PALM: variants seen among roughly 807,000 people sequenced by gnomAD.
PALM encodes paralemmin.
PALM carries 18 observed loss-of-function variants against 30.7 expected under a neutral mutation model. The ratio of observed to expected loss-of-function variants is 0.59; its 90% CI spans 0.41 to 0.87. The LOEUF is 0.87. Ranked by LOEUF, PALM falls within the 40% of genes least tolerant of loss-of-function variation. The pLI, the probability that PALM is intolerant of heterozygous loss-of-function variation, is 0.00. For missense variants in PALM, 529 were observed against 555.4 expected, an observed-to-expected ratio of 0.95 and a Z score of 0.48; for synonymous variants, 286 against 242.8, an observed-to-expected ratio of 1.18 and a Z score of -1.66.
intron 1 of PALM, chr19:719,296 G>T (rs963270384): frequency 3.9e-5 from 38 of 985,250 alleles, no homozygotes; most frequent in Non-Finnish European, 4.6e-5. Context: ...CCAACGCCCC[G>T]CACCGCGGAG....
chr19:740,491 C>T lies in PALM; in HGVS notation c.634+8C>T. On this transcript the variant is annotated splice_region_variant and intron_variant, in intron 8 of 8. Transcript: ENST00000338448. ...ACGAGGACGAGACCAAAGGTACGAG[C>T]ACCCCGGCCCCTGCCCTCCCTCCAC... 1 of 1,547,724 alleles carries T rather than the reference C, an allele frequency of 6.5e-7. No individual in the cohort carries two copies. The highest frequency in any genetic ancestry group is 2.4e-5 in the East Asian group (1 of 40,882).
chr19:721,273 A>T (rs920437862), intron 1 of PALM, among the ~76,000 whole-genome samples: 2 of 151,960 alleles, frequency 1.3e-5, no homozygotes, highest in African/African-American at 4.8e-5. Flanking sequence ...TATTATTATT[A>T]TTGTTATTTT....
intron 5 of PALM, 66 bp downstream of exon 5, chr19:731,311 C>T (rs2032868507): frequency 7.2e-7 from 1 of 1,396,310 alleles, no homozygotes; most frequent in Non-Finnish European, 9.7e-7. Context: ...GAGCGAGGCC[C>T]CAGCCCTTCC....
At chr19:724,192 C>G (rs2032586089) in intron 1 of PALM, among the ~76,000 whole-genome samples, 1 of 152,024 alleles carries the variant, frequency 6.6e-6, no homozygotes, top group Non-Finnish European at 1.5e-5. Flanking sequence ...TGGTGGGTGC[C>G]TGGTGGGGGT....
chr19:711,421 C>CAGAT (rs1165438898), intron 1 of PALM, among the ~76,000 whole-genome samples: 1 of 152,176 alleles, frequency 6.6e-6, no homozygotes, highest in Non-Finnish European at 1.5e-5. Flanking sequence ...TGGGCCTGGA[C>CAGAT]AGATGGTCAA....
chr19:725,869 A>T (rs944232376), intron 1 of PALM, among the ~76,000 whole-genome samples: 1 of 151,956 alleles, frequency 6.6e-6, no homozygotes, highest in African/African-American at 2.4e-5. Flanking sequence ...GTGAACTCCT[A>T]TGTATCCTTG....
intron 7 of PALM, 91 bp downstream of exon 7, chr19:736,169 C>G: frequency 1.2e-6 from 1 of 848,296 alleles, no homozygotes; most frequent in South Asian, 1.5e-5. Flanking sequence ...GGGGGCGACA[C>G]CGACCTGCTC....
At chr19:715,250 A>G (rs933501051) in intron 1 of PALM, among the ~76,000 whole-genome samples, 3 of 152,110 alleles carry the variant, frequency 2.0e-5, no homozygotes, top group African/African-American at 7.2e-5. Flanking sequence ...CCTGGGTGAC[A>G]GACAGAGCGA....
rs1161460736 is a variant in PALM at position 746,984 on chromosome 19, A to G, written c.*170A>G. On this transcript the variant is annotated 3_prime_UTR_variant, in exon 9 of 9. Transcript: ENST00000338448. The surrounding 1 kb of genome is among the most constrained non-coding windows in gnomAD (Gnocchi z 7.1). Reference sequence around the variant, plus strand: ...GCTGGAAAGAGGGACAGGGGCCCCCACCCGTCACCACGCCCCAACACTCCC... The same window carrying G: ...GCTGGAAAGAGGGACAGGGGCCCCCGCCCGTCACCACGCCCCAACACTCCC... The G allele has an allele frequency of 1.7e-6, 1 of 595,848 alleles. No individual in the cohort carries two copies. Among genetic ancestry groups the G allele is most frequent in the Non-Finnish European group, 3.0e-6 (1 of 335,792 alleles). 36.9% of individuals were successfully genotyped at this position (595,848 alleles called of 1,614,324 possible).
In PALM at chr19:727,619, A is replaced by C. The variant is rs1484858498; in HGVS notation, c.194A>C (p.Glu65Ala). The C allele has an allele frequency of 3.2e-6, 5 of 1,577,272 alleles. No homozygotes were observed. Among genetic ancestry groups the C allele is most frequent in the Non-Finnish European group, 4.3e-6 (5 of 1,161,904 alleles). The change falls in exon 4 of 9, where the codon GAG (glutamate) becomes GCG (alanine). Residue 65 changes from glutamate (E) to alanine (A), a missense_variant. Glu to Ala is a moderately radical substitution (Grantham distance 107). Coordinates refer to ENST00000338448, the MANE Select transcript of PALM (RefSeq NM_002579.3). ...GAGGGGACGCCGTCCTCGGCCTCAGAGGGGGATGAGGACCTGAGGAGGCAG... is the reference window on the plus strand; with the variant it reads ...GAGGGGACGCCGTCCTCGGCCTCAGCGGGGGATGAGGACCTGAGGAGGCAG... Reference protein sequence around the residue: ...LLEGTPSSASEGDEDLRRQMQ... With the variant: ...LLEGTPSSASAGDEDLRRQMQ...
intron 1 of PALM, among the ~76,000 whole-genome samples, chr19:713,994 T>A (rs2032171386): frequency 6.6e-6 from 1 of 151,138 alleles, no homozygotes; most frequent in Non-Finnish European, 1.5e-5. Context: ...AACCTCTGCC[T>A]CCTGGGTTCA....
At position 746,317 on chromosome 19, in the gene PALM, G is replaced by A. The variant is rs148346970; in HGVS notation, c.667G>A (p.Gly223Arg). Residue 223 changes from glycine to arginine, a missense_variant, in exon 9 of 9, where the codon GGG (glycine) becomes AGG (arginine). Gly to Arg is a moderately radical substitution (Grantham distance 125). Transcript: ENST00000338448. The surrounding 1 kb of genome is among the most constrained non-coding windows in gnomAD (Gnocchi z 7.1). ...VHAVDGTAEN[G>R]IHPLSSSEVD... ...TGCTGTGGACGGCACCGCCGAGAAC[G>A]GGATCCACCCCCTGAGCTCCTCCGA... 2.3e-4 allele frequency: 376 copies of A among 1,613,386 alleles called. No homozygotes were observed. The highest frequency in any genetic ancestry group is 2.9e-4 in the Non-Finnish European group (341 of 1,179,638).
In PALM at chr19:709,425, G is replaced by A. The variant is rs181591178; in HGVS notation, c.5+274G>A. On this transcript the variant is annotated intron_variant, in intron 1 of 8. Coordinates refer to ENST00000338448, the MANE Select transcript of PALM (RefSeq NM_002579.3). This position sits in a 1 kb window ranked among gnomAD's most constrained non-coding sequence, Gnocchi z 4.3. ...CGGCTCGGGCCAGTCCAGGACGCGG[G>A]GAGGGGGAGGCTCGCGTCTCCGCCC... is the stretch of plus-strand genomic sequence containing the variant. Among the ~76,000 whole-genome samples the A allele has an allele frequency of 0.028, 4,219 of 151,754 alleles. 142 individuals carry two copies. Among genetic ancestry groups the A allele is most frequent in the African/African-American group, 0.079 (3,273 of 41,448 alleles).
chr19:742,261 G>A lies in PALM; in HGVS notation c.634+1778G>A, dbSNP rs757427911. ...TCCCCTCCCCAGCTCTGGCACCCAC[G>A]CATCCCCTCCTGTCTCTCTGGATTG... is the stretch of plus-strand genomic sequence containing the variant. On this transcript the variant is annotated intron_variant, in intron 8 of 8. Coordinates refer to ENST00000338448, the MANE Select transcript of PALM (RefSeq NM_002579.3). The surrounding 1 kb of genome is among the most constrained non-coding windows in gnomAD (Gnocchi z 5.5). Among the ~76,000 whole-genome samples the A allele has an allele frequency of 6.3e-4, 96 of 151,926 alleles. No homozygotes were observed. The highest frequency in any genetic ancestry group is 1.1e-3 in the Non-Finnish European group (74 of 67,994).
At chr19:743,012 G>A (rs1190490946) in intron 8 of PALM, among the ~76,000 whole-genome samples, 4 of 152,158 alleles carry the variant, frequency 2.6e-5, no homozygotes, top group African/African-American at 9.7e-5. Flanking sequence ...CCCACAGGTC[G>A]TGGATGAGGG....
At chr19:716,088 G>C (rs1656081511) in intron 1 of PALM, among the ~76,000 whole-genome samples, 1 of 152,236 alleles carries the variant, frequency 6.6e-6, no homozygotes, top group Middle Eastern at 3.4e-3. Flanking sequence ...GTGGGAAGAG[G>C]GAAGGGGAGC....
intron 1 of PALM, among the ~76,000 whole-genome samples, chr19:713,916 T>C (rs34921175): frequency 0.085 from 12,575 of 147,454 alleles, 704 homozygotes; most frequent in East Asian, 0.24. Flanking sequence ...TTCTTTTTTT[T>C]TTTTTTGAGA....
At chr19:735,091 G>C (rs2032982411) in intron 6 of PALM, 1 of 967,854 alleles carries the variant, frequency 1.0e-6, no homozygotes, top group Non-Finnish European at 1.2e-6. Context: ...GATTTTCTAG[G>C]GGTTGCGGTG....
At chr19:710,651 G>GCC (rs763250940) in intron 1 of PALM, among the ~76,000 whole-genome samples, 10 of 114,166 alleles carry the variant, frequency 8.8e-5, no homozygotes, top group Admixed American at 3.6e-4. Context: ...AGGAGCTGCT[G>GCC]CCCCCCCCCC....
Sources: allele counts gnomAD v4.1 joint callset (sites outside exome capture counted in the v4.1 genomes callset), GRCh38; gene constraint gnomAD v4.1.1; non-coding constraint Gnocchi (gnomAD v3.1); transcripts MANE v1.5; gene names NCBI Gene and HGNC (gene_info 2026-07-23, HGNC 2026-07-21).